Variants in RNF138 observed in about 807,000 individuals in gnomAD.
RNF138 encodes the protein ring finger protein 138.
In RNF138, 12 loss-of-function variants were observed where a neutral mutation model predicts 31.0. That is an observed-to-expected ratio of 0.39 (90% CI 0.25 to 0.63). The LOEUF (loss-of-function observed/expected upper bound fraction) is 0.63, where lower values mean the gene tolerates loss of function less well. Ranked by LOEUF, RNF138 falls within the 20% of genes least tolerant of loss-of-function variation. The probability of loss-of-function intolerance (pLI) is 0.52; values close to 1 mark genes in which losing one functional copy is unlikely to be tolerated. For synonymous variants in RNF138, 105 were observed against 99.5 expected, an observed-to-expected ratio of 1.06 and a Z score of -0.33; for missense variants, 192 against 300.1, an observed-to-expected ratio of 0.64 and a Z score of 2.66.
At position 32,130,042 on chromosome 18, in the gene RNF138, C is replaced by T. The variant is rs1343988002; in HGVS notation, c.*855C>T. ...ATATAAATGAGAGGTTTGGCTTCAT[C>T]TCAGTTTAGAAATTTATTCAAAGCT... On this transcript the variant is annotated 3_prime_UTR_variant, in exon 8 of 8. Coordinates refer to ENST00000261593, the MANE Select transcript of RNF138 (RefSeq NM_016271.5). The T allele has an allele frequency of 6.6e-6, 1 of 152,322 alleles. No individual in the cohort carries two copies. Among genetic ancestry groups the T allele is most frequent in the Non-Finnish European group, 1.5e-5 (1 of 67,882 alleles). 9.4% of individuals were successfully genotyped at this position (152,322 alleles called of 1,614,324 possible).
At chr18:32,120,859 A>G (rs1207505414) in intron 4 of RNF138, among the ~76,000 whole-genome samples, 3 of 152,188 alleles carry the variant, frequency 2.0e-5, no homozygotes, top group Admixed American at 2.0e-4. Context: ...ACTGCATAGT[A>G]CTGGCTGGGG....
chr18:32,095,472 TG>T (rs2039788595), intron 2 of RNF138, among the ~76,000 whole-genome samples: 1 of 152,214 alleles, frequency 6.6e-6, no homozygotes, highest in Non-Finnish European at 1.5e-5. Context: ...GCACCTGACC[TG>T]TTTTTTAATT....
At chr18:32,120,447 A>C (rs2040285376) in intron 4 of RNF138, among the ~76,000 whole-genome samples, 1 of 152,232 alleles carries the variant, frequency 6.6e-6, no homozygotes, top group African/African-American at 2.4e-5. Context: ...CATTAAATTA[A>C]AAAGCAAGAC....
At chr18:32,114,516 T>C (rs189074629) in intron 4 of RNF138, among the ~76,000 whole-genome samples, 115 of 152,292 alleles carry the variant, frequency 7.6e-4, no homozygotes, top group Middle Eastern at 3.4e-3. Context: ...AACTTCAGGA[T>C]CTCTATGTGA....
intron 4 of RNF138, among the ~76,000 whole-genome samples, chr18:32,119,778 GT>G (rs1598861213): frequency 6.6e-6 from 1 of 152,150 alleles, no homozygotes; most frequent in South Asian, 2.1e-4. Context: ...ATGAGTAAAT[GT>G]TTTATATCTT....
rs1187608536 is a variant in RNF138 at position 32,130,072 on chromosome 18, ATGTATATATACATATACTTTTG to A, written c.*889_*910del. 2.6e-5 allele frequency: 4 copies of A among 152,462 alleles called. No individual in the cohort carries two copies. The highest frequency in any genetic ancestry group is 9.7e-5 in the African/African-American group (4 of 41,450). The allele number at this position is 152,462 out of a possible 1,614,324, so 9.4% of individuals were successfully genotyped here. Reference sequence around the variant, plus strand: ...TTTAGAAATTTATTCAAAGCTAAAGATGTATATATACATATACTTTTGTGTGTATATATACACATATGTGTGT... The same window carrying A: ...TTTAGAAATTTATTCAAAGCTAAAGATGTGTATATATACACATATGTGTGT... On this transcript the variant is annotated 3_prime_UTR_variant, in exon 8 of 8. Transcript: ENST00000261593.
intron 4 of RNF138, among the ~76,000 whole-genome samples, chr18:32,123,025 TCTTTC>T (rs2040330662): frequency 1.3e-5 from 2 of 152,342 alleles, no homozygotes; most frequent in African/African-American, 4.8e-5. Flanking sequence ...AAGCCTGGTT[TCTTTC>T]CTTTCTGGAA....
intron 6 of RNF138, among the ~76,000 whole-genome samples, chr18:32,125,722 A>G (rs183123222): frequency 1.7e-3 from 252 of 152,234 alleles, no homozygotes; most frequent in African/African-American, 5.6e-3. Context: ...GCTTGAGCCC[A>G]GGAGTTCGAG....
chr18:32,124,608 G>T (rs1392263057), intron 5 of RNF138, 126 bp from the exon 6 acceptor site: 1 of 607,852 alleles, frequency 1.6e-6, no homozygotes, highest in African/African-American at 1.8e-5. Flanking sequence ...CAAAATGAGA[G>T]AATCTTTGAA....
At position 32,094,780 on chromosome 18, in the gene RNF138, C is replaced by CTATA. The variant is rs142338609; in HGVS notation, c.110+1907_110+1910dup. 5.0e-4 allele frequency among the ~76,000 whole-genome samples: 75 copies of CTATA among 150,482 alleles called. 1 individual carries two copies. The East Asian group carries it at 6.4e-3, about 13-fold the overall frequency. Reference sequence around the variant, plus strand: ...GAGAGGAAGTTGTAATAGCTGCTAACTATATATATATATATAAAGCAGGTC... The same window carrying CTATA: ...GAGAGGAAGTTGTAATAGCTGCTAACTATATATATATATATATATAAAGCAGGTC... On this transcript the variant is annotated intron_variant, in intron 2 of 7. Coordinates refer to ENST00000261593, the MANE Select transcript of RNF138 (RefSeq NM_016271.5).
intron 2 of RNF138, among the ~76,000 whole-genome samples, chr18:32,106,548 T>TTTTATTTA (rs58517415): frequency 0.021 from 3,059 of 146,900 alleles, 32 homozygotes; most frequent in African/African-American, 0.031. Context: ...TTTTATTTTA[T>TTTTATTTA]TTTATTTATT....
chr18:32,103,798 C>G (rs1459654862), intron 2 of RNF138, among the ~76,000 whole-genome samples: 2 of 151,698 alleles, frequency 1.3e-5, no homozygotes, highest in Non-Finnish European at 2.9e-5. Context: ...CCCATCTCTA[C>G]TAAAAATACA....
chr18:32,111,125 A>G (rs976593993), intron 2 of RNF138, among the ~76,000 whole-genome samples: 1 of 152,190 alleles, frequency 6.6e-6, no homozygotes, highest in Non-Finnish European at 1.5e-5. Context: ...GTTCCATTGC[A>G]TACTGTTTGG....
chr18:32,102,195 CTTTTTTTTTTTTTTT>C (rs1167535943), intron 2 of RNF138, among the ~76,000 whole-genome samples: 1 of 63,812 alleles, frequency 1.6e-5, no homozygotes, highest in African/African-American at 6.2e-5. Context: ...CTTTTAGTTT[CTTTTTTTTTTTTTTT>C]TTTTTTTTTG....
chr18:32,100,486 T>C (rs2039914257), intron 2 of RNF138, among the ~76,000 whole-genome samples: 1 of 143,996 alleles, frequency 6.9e-6, no homozygotes, highest in East Asian at 2.0e-4. Flanking sequence ...TTTTTTTTTT[T>C]TTTTTTGAGA....
chr18:32,113,969 A>G (rs1483307352), intron 4 of RNF138, 109 bp downstream of exon 4: 2 of 582,926 alleles, frequency 3.4e-6, no homozygotes, highest in Non-Finnish European at 3.0e-6. Context: ...GTATGTGCAC[A>G]TGTGTTTTTA....
intron 2 of RNF138, among the ~76,000 whole-genome samples, chr18:32,110,532 G>C (rs1314558786): frequency 6.6e-6 from 1 of 152,028 alleles, no homozygotes; most frequent in Non-Finnish European, 1.5e-5. Flanking sequence ...TGCATAGTTA[G>C]GAAACTCAGG....
At chr18:32,125,532 A>G (rs1007563058) in intron 6 of RNF138, among the ~76,000 whole-genome samples, 2 of 152,200 alleles carry the variant, frequency 1.3e-5, no homozygotes, top group African/African-American at 4.8e-5. Context: ...ATTTTGATAT[A>G]TAAATAATTG....
At position 32,109,133 on chromosome 18, in the gene RNF138, G is replaced by A. The variant is rs537741888; in HGVS notation, c.111-2621G>A. Among the ~76,000 whole-genome samples the A allele has an allele frequency of 6.7e-5, 10 of 150,108 alleles. No homozygotes were observed. The South Asian group carries it at 1.9e-3, about 29-fold the overall frequency. On this transcript the variant is annotated intron_variant, in intron 2 of 7. Transcript: ENST00000261593. ...TCCCTAACACTTGGTATTTCCCACC[G>A]TTTTCATTTTTGTCTTTTTCTTTCT...
Sources: allele counts gnomAD v4.1 joint callset (sites outside exome capture counted in the v4.1 genomes callset), GRCh38; gene constraint gnomAD v4.1.1; transcripts MANE v1.5; gene names NCBI Gene and HGNC (gene_info 2026-07-23, HGNC 2026-07-21).